Variants in EPB41L4A observed in about 807,000 individuals in gnomAD.
The protein encoded by EPB41L4A is band 4.1-like protein 4A.
In EPB41L4A, 100 loss-of-function variants were observed where a neutral mutation model predicts 108.6. That is an observed-to-expected ratio of 0.92 (90% CI 0.78 to 1.09). EPB41L4A has a LOEUF of 1.09. EPB41L4A is among the 50% of genes least tolerant of loss of function. EPB41L4A has a pLI of 0.00. For synonymous variants in EPB41L4A, 319 were observed against 289.0 expected, an observed-to-expected ratio of 1.10 and a Z score of -1.05; for missense variants, 1,030 against 842.7, an observed-to-expected ratio of 1.22 and a Z score of -2.75.
At position 112,337,297 on chromosome 5, in the gene EPB41L4A, A is replaced by G. The variant is rs545753716; in HGVS notation, c.100-29807T>C. 3.8e-4 allele frequency among the ~76,000 whole-genome samples: 58 copies of G among 152,294 alleles called. No homozygotes were observed. The South Asian group carries it at 0.011, about 30-fold the overall frequency. The stretch of plus-strand genomic sequence containing the variant: ...ATCTGTTATAGTCAGCTTTGCCACA[A>G]TTCAGTCTGGTCTAACACAATCTAC... On this transcript the variant is annotated intron_variant, in intron 1 of 22. Transcript: ENST00000261486.
intron 15 of EPB41L4A, among the ~76,000 whole-genome samples, chr5:112,199,303 G>T (rs995758620): frequency 3.9e-5 from 6 of 152,106 alleles, no homozygotes; most frequent in African/African-American, 1.4e-4. Flanking sequence ...TTTCTGCCTA[G>T]GTAATATAAG....
intron 15 of EPB41L4A, among the ~76,000 whole-genome samples, chr5:112,203,656 C>CTTT (rs1046273212): frequency 5.3e-5 from 8 of 152,118 alleles, no homozygotes; most frequent in African/African-American, 1.9e-4. Context: ...TTTTTCTGTG[C>CTTT]TTTAAAAGGC....
downstream of EPB41L4A, among the ~76,000 whole-genome samples, chr5:112,159,199 T>C (rs1759759401): frequency 1.3e-5 from 2 of 152,104 alleles, no homozygotes; most frequent in Non-Finnish European, 2.9e-5. Context: ...TATTGAGGTA[T>C]GATTGAGATA....
At chr5:112,371,152 T>C (rs1759468729) in intron 1 of EPB41L4A, among the ~76,000 whole-genome samples, 2 of 152,226 alleles carry the variant, frequency 1.3e-5, no homozygotes, top group African/African-American at 4.8e-5. Context: ...TATGTGTGTA[T>C]ACCCTTGTGT....
At chr5:112,167,264 G>A (rs1047217444) in intron 22 of EPB41L4A, among the ~76,000 whole-genome samples, 3 of 152,090 alleles carry the variant, frequency 2.0e-5, no homozygotes, top group Admixed American at 6.5e-5. Flanking sequence ...ACACAGAGAT[G>A]AAACACAAAT....
intron 15 of EPB41L4A, among the ~76,000 whole-genome samples, 163 bp from the exon 16 acceptor site, chr5:112,195,871 C>T (rs1450711788): frequency 6.6e-6 from 1 of 152,144 alleles, no homozygotes; most frequent in East Asian, 1.9e-4. Context: ...ACATACAACA[C>T]GTCCCAGAAA....
chr5:112,202,282 T>C (rs983582997), intron 15 of EPB41L4A, among the ~76,000 whole-genome samples: 1 of 152,122 alleles, frequency 6.6e-6, no homozygotes, highest in Non-Finnish European at 1.5e-5. Flanking sequence ...AGGCTCAGGA[T>C]TGCCTGCTCA....
intron 1 of EPB41L4A, among the ~76,000 whole-genome samples, chr5:112,328,106 G>A (rs768673194): frequency 2.6e-5 from 4 of 152,020 alleles, no homozygotes; most frequent in African/African-American, 4.8e-5. Context: ...TCAGGAGATC[G>A]AGACCATCCT....
intron 17 of EPB41L4A, among the ~76,000 whole-genome samples, chr5:112,186,627 T>C (rs1029857046): frequency 1.3e-5 from 2 of 152,226 alleles, no homozygotes; most frequent in East Asian, 3.8e-4. Flanking sequence ...TCTAACAAGA[T>C]GCATTAAAAA....
chr5:112,143,054 G>A (rs571320377), exon 14 of EPB41L4A: 1 of 152,066 alleles, frequency 6.6e-6, no homozygotes, highest in Admixed American at 6.6e-5. Flanking sequence ...GTGTGCCCAG[G>A]TGACCAAACT....
chr5:112,375,323 G>GCTCTCT (rs1440284141), intron 1 of EPB41L4A, among the ~76,000 whole-genome samples: 1 of 142,452 alleles, frequency 7.0e-6, no homozygotes, highest in African/African-American at 2.6e-5. Flanking sequence ...TCTCTCTCTC[G>GCTCTCT]CACACACACA....
intron 1 of EPB41L4A, among the ~76,000 whole-genome samples, chr5:112,403,447 T>C (rs1340364307): frequency 6.6e-6 from 1 of 152,042 alleles, no homozygotes; most frequent in Middle Eastern, 3.2e-3. Flanking sequence ...CTTTTTGACA[T>C]ATAATTTACT....
intron 1 of EPB41L4A, among the ~76,000 whole-genome samples, chr5:112,374,638 G>C (rs1304719014): frequency 6.6e-6 from 1 of 152,192 alleles, no homozygotes; most frequent in Non-Finnish European, 1.5e-5. Flanking sequence ...CCTAGTGCTG[G>C]AGCTCACCAC....
rs1185209006 is a variant in EPB41L4A at position 112,280,289 on chromosome 5, T to G, written c.239A>C (p.His80Pro). Residue 80 changes from histidine (H) to proline (P), a missense_variant, in exon 3 of 23, where the codon CAC (histidine) becomes CCC (proline). His to Pro is a moderately conservative substitution (Grantham distance 77, BLOSUM62 -2). Coordinates refer to ENST00000261486, the MANE Select transcript of EPB41L4A (RefSeq NM_022140.5). ...ATACCTACTGTTGATCAGTTCTTTGTGTTCAGCAAGGGTTTTTGCAGGATC... is the reference window on the plus strand; with the variant it reads ...ATACCTACTGTTGATCAGTTCTTTGGGTTCAGCAAGGGTTTTTGCAGGATC... ...WLDPAKTLAE[H>P]KELINTGPPY... is the part of the protein sequence containing the mutation. 2 of 1,613,980 alleles carry G rather than the reference T, an allele frequency of 1.2e-6. No homozygotes were observed. The highest frequency in any genetic ancestry group is 1.7e-6 in the Non-Finnish European group (2 of 1,179,952).
chr5:112,240,095 A>G (rs1345106527), intron 10 of EPB41L4A, among the ~76,000 whole-genome samples: 1 of 152,136 alleles, frequency 6.6e-6, no homozygotes, highest in Admixed American at 6.5e-5. Context: ...CCAGCACCTT[A>G]TTCATCAAGA....
intron 1 of EPB41L4A, among the ~76,000 whole-genome samples, chr5:112,356,133 G>A (rs181934551): frequency 2.3e-4 from 35 of 152,240 alleles, no homozygotes; most frequent in Admixed American, 1.7e-3. Flanking sequence ...TACTCCACTT[G>A]ACAGTAAACG....
At chr5:112,331,533 T>C (rs552765306) in intron 1 of EPB41L4A, among the ~76,000 whole-genome samples, 2 of 152,326 alleles carry the variant, frequency 1.3e-5, no homozygotes, top group African/African-American at 2.4e-5. Context: ...ACTTTGTATA[T>C]AGCATTGTCT....
exon 14 of EPB41L4A, chr5:112,143,327 C>T (rs549778707): frequency 6.6e-6 from 1 of 152,318 alleles, no homozygotes; most frequent in Admixed American, 6.5e-5. Flanking sequence ...ATGTAATGCA[C>T]TTACTGCAGT....
intron 2 of EPB41L4A, among the ~76,000 whole-genome samples, chr5:112,297,711 C>G (rs1754089594): frequency 6.6e-6 from 1 of 152,144 alleles, no homozygotes; most frequent in African/African-American, 2.4e-5. Flanking sequence ...TTTGCCTAAG[C>G]CAATGTCTAG....
Sources: allele counts gnomAD v4.1 joint callset (sites outside exome capture counted in the v4.1 genomes callset), GRCh38; gene constraint gnomAD v4.1.1; transcripts MANE v1.5; gene names NCBI Gene and HGNC (gene_info 2026-07-23, HGNC 2026-07-21).